HCN1: variants seen among roughly 807,000 people sequenced by gnomAD.
HCN1 encodes the protein potassium/sodium hyperpolarization-activated cyclic nucleotide-gated channel 1.
HCN1 carries 13 observed loss-of-function variants against 78.9 expected under a neutral mutation model. That is an observed-to-expected ratio of 0.16 (90% confidence interval 0.11 to 0.26). The LOEUF is 0.26. Ranked by LOEUF, HCN1 falls within the 10% of genes least tolerant of loss-of-function variation. HCN1 has a pLI of 1.00. For missense variants in HCN1, 810 were observed against 1,154.3 expected, an observed-to-expected ratio of 0.70 and a Z score of 4.32; for synonymous variants, 552 against 455.5, an observed-to-expected ratio of 1.21 and a Z score of -2.70.
chr5:45,446,939 A>G (rs972672928), intron 3 of HCN1, among the ~76,000 whole-genome samples: 1 of 152,178 alleles, frequency 6.6e-6, no homozygotes, highest in African/African-American at 2.4e-5. Flanking sequence ...AATCATTCCA[A>G]AATGTAAAGA....
At chr5:45,337,257 AT>A (rs894970775) in intron 5 of HCN1, among the ~76,000 whole-genome samples, 1 of 152,038 alleles carries the variant, frequency 6.6e-6, no homozygotes, top group Admixed American at 6.6e-5. Context: ...AAAAGAAACT[AT>A]TTTTTCACAT....
At chr5:45,520,063 A>T (rs1357503284) in intron 2 of HCN1, among the ~76,000 whole-genome samples, 1 of 152,052 alleles carries the variant, frequency 6.6e-6, no homozygotes, top group African/African-American at 2.4e-5. Flanking sequence ...ATGAATAAAG[A>T]TATGGGCATT....
intron 5 of HCN1, among the ~76,000 whole-genome samples, chr5:45,325,050 C>A (rs1480950091): frequency 1.3e-5 from 2 of 151,518 alleles, no homozygotes; most frequent in African/African-American, 2.4e-5. Flanking sequence ...CAATGTAGGA[C>A]CAATCTGGAG....
At chr5:45,616,904 T>G (rs1744968645) in intron 2 of HCN1, among the ~76,000 whole-genome samples, 2 of 152,112 alleles carry the variant, frequency 1.3e-5, no homozygotes, top group South Asian at 4.1e-4. Flanking sequence ...CTTACTCTAC[T>G]TATCCCGCAA....
intron 2 of HCN1, 156 bp downstream of exon 2, chr5:45,645,029 C>A: frequency 3.3e-6 from 2 of 602,114 alleles, no homozygotes. Flanking sequence ...TTTAGGGATA[C>A]AAATATATCA....
At position 45,663,786 on chromosome 5, in the gene HCN1, A is replaced by G. The variant is rs1745973163; in HGVS notation, c.426-18178T>C. On this transcript the variant is annotated intron_variant, in intron 1 of 7. Coordinates refer to ENST00000303230, the MANE Select transcript of HCN1 (RefSeq NM_021072.4). ...TCATCTCACACCAGTTAGAATGGCA[A>G]TCATTAAAAAGTCAGGAAACAACAG... Among the ~76,000 whole-genome samples the G allele has an allele frequency of 5.9e-5, 9 of 151,364 alleles. No homozygotes were observed. In the South Asian group the frequency reaches 1.9e-3, roughly 32 times the overall value.
intron 4 of HCN1, among the ~76,000 whole-genome samples, chr5:45,362,740 C>G (rs548169096): frequency 6.6e-6 from 1 of 152,090 alleles, no homozygotes. Flanking sequence ...TAAAGTCACA[C>G]AGCTAATTAG....
intron 1 of HCN1, among the ~76,000 whole-genome samples, chr5:45,689,845 G>C (rs1322972671): frequency 6.6e-6 from 1 of 152,072 alleles, no homozygotes; most frequent in Non-Finnish European, 1.5e-5. Flanking sequence ...ACTCTATGTT[G>C]AATGAAATGG....
intron 2 of HCN1, among the ~76,000 whole-genome samples, chr5:45,515,791 T>C (rs1742507194): frequency 6.6e-6 from 1 of 151,988 alleles, no homozygotes. Context: ...GAATGCCTGC[T>C]ACTGGTTTCA....
At chr5:45,377,325 ACCTAATTCC>A (rs2112021528) in intron 4 of HCN1, among the ~76,000 whole-genome samples, 1 of 152,152 alleles carries the variant, frequency 6.6e-6, no homozygotes, top group Non-Finnish European at 1.5e-5. Flanking sequence ...TTGTCTTGAG[ACCTAATTCC>A]CATTCTTCTG....
At chr5:45,550,081 T>A (rs1384468943) in intron 2 of HCN1, among the ~76,000 whole-genome samples, 1 of 152,072 alleles carries the variant, frequency 6.6e-6, no homozygotes, top group Admixed American at 6.6e-5. Flanking sequence ...ATTGTGGAAG[T>A]CAGTGTGGCG....
chr5:45,658,047 T>C (rs753630707), intron 1 of HCN1, among the ~76,000 whole-genome samples: 28 of 152,052 alleles, frequency 1.8e-4, no homozygotes, highest in Non-Finnish European at 4.0e-4. Context: ...AACAGATAGA[T>C]CAATGGAACA....
intron 2 of HCN1, among the ~76,000 whole-genome samples, chr5:45,584,237 G>C (rs1579983251): frequency 1.3e-5 from 2 of 152,016 alleles, no homozygotes. Flanking sequence ...TATATATTTA[G>C]GATAGTTAGC....
intron 2 of HCN1, among the ~76,000 whole-genome samples, chr5:45,607,579 T>TTATATATATATATA (rs146363579): frequency 7.8e-6 from 1 of 127,888 alleles, no homozygotes; most frequent in Non-Finnish European, 1.8e-5. Flanking sequence ...CACAATATCA[T>TTATATATATATATA]TATATATATA....
intron 5 of HCN1, among the ~76,000 whole-genome samples, chr5:45,332,271 G>C: frequency 6.6e-6 from 1 of 151,360 alleles, no homozygotes; most frequent in Middle Eastern, 3.2e-3. Context: ...TTTTGTATGA[G>C]TAGTAATCAC....
At chr5:45,525,731 C>T (rs967351372) in intron 2 of HCN1, among the ~76,000 whole-genome samples, 1 of 151,968 alleles carries the variant, frequency 6.6e-6, no homozygotes, top group Non-Finnish European at 1.5e-5. Flanking sequence ...CACCTACATA[C>T]AGTAGAATTT....
In HCN1 at chr5:45,482,954, G is replaced by T. The variant is rs539413670; in HGVS notation, c.850-20947C>A. 7.2e-5 allele frequency among the ~76,000 whole-genome samples: 11 copies of T among 152,168 alleles called. No individual in the cohort carries two copies. In the East Asian group the frequency reaches 1.9e-3, roughly 27 times the overall value. ...CATATGATTTCATTTCTTTTAAATG[G>T]CAATATAGTATTCTATGGTGTATAT... is the stretch of plus-strand genomic sequence containing the variant. On this transcript the variant is annotated intron_variant, in intron 2 of 7. Transcript: ENST00000303230.
chr5:45,313,487 C>T (rs1745905266), intron 5 of HCN1, among the ~76,000 whole-genome samples: 1 of 152,188 alleles, frequency 6.6e-6, no homozygotes, highest in South Asian at 2.1e-4. Flanking sequence ...AATGCAGCTC[C>T]TCGCCAGCAC....
intron 6 of HCN1, among the ~76,000 whole-genome samples, chr5:45,296,857 G>A (rs1347458706): frequency 1.3e-5 from 2 of 152,098 alleles, no homozygotes; most frequent in Admixed American, 6.6e-5. Context: ...ATGCAGTGGA[G>A]CAATTCCTGG....
Sources: allele counts gnomAD v4.1 joint callset (sites outside exome capture counted in the v4.1 genomes callset), GRCh38; gene constraint gnomAD v4.1.1; transcripts MANE v1.5; gene names NCBI Gene and HGNC (gene_info 2026-07-23, HGNC 2026-07-21).